Variants in AKAP12 observed in about 807,000 individuals in gnomAD.
AKAP12 encodes the protein A-kinase anchoring protein 12.
AKAP12 carries 32 observed loss-of-function variants against 79.9 expected under a neutral mutation model. That is an observed-to-expected ratio of 0.40 (90% CI 0.30 to 0.54). The LOEUF is 0.54. AKAP12 is among the 20% of genes least tolerant of loss of function. The pLI is 0.48. For synonymous variants in AKAP12, 808 were observed against 857.0 expected, an observed-to-expected ratio of 0.94 and a Z score of 1.00; for missense variants, 2,074 against 2,177.0, an observed-to-expected ratio of 0.95 and a Z score of 0.94.
At chr6:151,308,410 A>G (rs1378710917) in intron 3 of AKAP12, among the ~76,000 whole-genome samples, 1 of 151,938 alleles carries the variant, frequency 6.6e-6, no homozygotes, top group East Asian at 1.9e-4. Flanking sequence ...ACAAGGTTTC[A>G]CCATGTTGGC....
rs1562751620 is a variant in AKAP12 at position 151,348,696 on chromosome 6, C to CCCT, written c.320-14_320-13insCTC. 7 of 481,366 alleles carry CCCT rather than the reference C, an allele frequency of 1.5e-5. No individual in the cohort carries two copies. Among genetic ancestry groups the CCCT allele is most frequent in the South Asian group, 1.1e-4 (4 of 36,754 alleles). The allele number at this position is 481,366 out of a possible 1,614,324, so 29.8% of individuals were successfully genotyped here. A position where few individuals can be genotyped will look rare whatever the true frequency, so the allele number is the denominator to read the frequency against. ...TTTCTCTTCTCCCCACCCCCCCGCC[C>CCCT]CTTTTTGTTAATAGTTGGACAGAGA... On this transcript the variant is annotated splice_polypyrimidine_tract_variant and intron_variant, in intron 3 of 4. Transcript: ENST00000402676.
rs1470979546 is a variant in AKAP12 at position 151,353,255 on chromosome 6, G to A, written c.4864G>A (p.Ala1622Thr). ...TSAKEESEST[A>T]VGQAHSDISK... Reference sequence around the variant, plus strand: ...AGCCAAAGAGGAGTCAGAGTCAACCGCAGTGGGACAAGCACATTCTGATAT... The same window carrying A: ...AGCCAAAGAGGAGTCAGAGTCAACCACAGTGGGACAAGCACATTCTGATAT... Residue 1622 changes from alanine (A) to threonine (T), a missense_variant, in exon 4 of 5, where the codon GCA (alanine) becomes ACA (threonine). Ala to Thr is a moderately conservative substitution (Grantham distance 58). Around this residue, in one of 3 missense-constraint regions of AKAP12, gnomAD observed 614 missense variants for 665.6 expected, o/e 0.92. Transcript: ENST00000402676. 6.2e-6 allele frequency: 10 copies of A among 1,614,036 alleles called. No homozygotes were observed. The highest frequency in any genetic ancestry group is 4.5e-5 in the East Asian group (2 of 44,898).
At chr6:151,323,594 T>A in intron 3 of AKAP12, 1 of 575,462 alleles carries the variant, frequency 1.7e-6, no homozygotes, top group Non-Finnish European at 2.2e-6. Flanking sequence ...AGCGTCTTCA[T>A]GAATGTCATA....
intron 3 of AKAP12, among the ~76,000 whole-genome samples, chr6:151,317,199 G>C (rs111569797): frequency 0.019 from 2,954 of 152,236 alleles, 58 homozygotes; most frequent in Non-Finnish European, 0.03. Context: ...TGTGCAGGAG[G>C]CTCTTCTGCT....
At chr6:151,278,017 G>A (rs9479001) in intron 2 of AKAP12, among the ~76,000 whole-genome samples, 6,144 of 151,926 alleles carry the variant, frequency 0.04, 407 homozygotes, top group African/African-American at 0.14. Context: ...TATTGTGGAA[G>A]GGAAATAATA....
At chr6:151,276,597 C>T (rs1776294925) in intron 2 of AKAP12, among the ~76,000 whole-genome samples, 1 of 152,254 alleles carries the variant, frequency 6.6e-6, no homozygotes, top group Non-Finnish European at 1.5e-5. Context: ...GCAGTCACTG[C>T]AGAGCAATCT....
intron 2 of AKAP12, among the ~76,000 whole-genome samples, chr6:151,291,795 T>C (rs951635583): frequency 4.6e-5 from 7 of 152,236 alleles, no homozygotes; most frequent in African/African-American, 1.7e-4. Flanking sequence ...TAGGAAACTT[T>C]CTTGAGTTTT....
intron 2 of AKAP12, among the ~76,000 whole-genome samples, chr6:151,298,581 G>A (rs1037322106): frequency 6.6e-6 from 1 of 151,996 alleles, no homozygotes; most frequent in Non-Finnish European, 1.5e-5. Context: ...ATCACTTAAG[G>A]TCAGGAGTTC....
rs547950038 is a variant in AKAP12 at position 151,341,603 on chromosome 6, G to A, written c.320-7108G>A. 2.2e-5 allele frequency: 16 copies of A among 730,628 alleles called. No homozygotes were observed. The African/African-American group carries it at 2.9e-4, about 13-fold the overall frequency. 45.3% of individuals were successfully genotyped at this position (730,628 alleles called of 1,614,324 possible). A position where few individuals can be genotyped will look rare whatever the true frequency, so the allele number is the denominator to read the frequency against. On this transcript the variant is annotated intron_variant, in intron 3 of 4. Transcript: ENST00000402676. ...TTCGCGAGCTATGGCAGCCGGCAGG[G>A]GCGCGCTGGGCCTCACGGGCGGCTG... is the stretch of plus-strand genomic sequence containing the variant.
At chr6:151,265,018 G>A (rs1394671848) in intron 2 of AKAP12, among the ~76,000 whole-genome samples, 1 of 152,012 alleles carries the variant, frequency 6.6e-6, no homozygotes, top group African/African-American at 2.4e-5. Flanking sequence ...GGGCATGATG[G>A]TGGGTGCCTA....
At chr6:151,345,929 G>A (rs1375522346) in intron 3 of AKAP12, among the ~76,000 whole-genome samples, 1 of 124,544 alleles carries the variant, frequency 8.0e-6, no homozygotes, top group Non-Finnish European at 1.7e-5. Flanking sequence ...GTGTGTGTGT[G>A]TGTGAGAGAG....
At chr6:151,240,853 G>C in intron 2 of AKAP12, 129 bp downstream of exon 2, 1 of 892,394 alleles carries the variant, frequency 1.1e-6, no homozygotes, top group Non-Finnish European at 1.5e-6. Context: ...GCAAACTCAG[G>C]AGTGCGAACC....
intron 2 of AKAP12, among the ~76,000 whole-genome samples, chr6:151,267,209 G>T (rs997701263): frequency 6.6e-5 from 10 of 152,018 alleles, no homozygotes; most frequent in Non-Finnish European, 2.9e-5. Flanking sequence ...AGGGGAGAAG[G>T]TTAAAAATTA....
At chr6:151,345,932 T>TGAGAGAGAGAGAGAGAGAGAGAGAGA (rs56202215) in intron 3 of AKAP12, among the ~76,000 whole-genome samples, 1 of 101,374 alleles carries the variant, frequency 9.9e-6, no homozygotes, top group African/African-American at 4.4e-5. Context: ...TGTGTGTGTG[T>TGAGAGAGAGAGAGAGAGAGAGAGAGA]GAGAGAGAGA....
At chr6:151,295,156 A>C (rs9383878) in intron 2 of AKAP12, among the ~76,000 whole-genome samples, 59,196 of 151,976 alleles carry the variant, frequency 0.39, 12,089 homozygotes, top group Non-Finnish European at 0.46. Context: ...TAATTTGTAG[A>C]CAACATTCCT....
intron 2 of AKAP12, among the ~76,000 whole-genome samples, chr6:151,261,416 C>G (rs1259051119): frequency 6.6e-6 from 1 of 151,436 alleles, no homozygotes; most frequent in African/African-American, 2.4e-5. Flanking sequence ...TTTGGCTGGG[C>G]ACAGTGGCTC....
At position 151,301,458 on chromosome 6, in the gene AKAP12, T is replaced by G. The variant is rs142317308; in HGVS notation, c.163-4289T>G. On this transcript the variant is annotated intron_variant, in intron 2 of 4. Coordinates refer to ENST00000402676, the MANE Select transcript of AKAP12 (RefSeq NM_005100.4). ...TTGATTTCCTCTATTTGAGGTGACT[T>G]TAACTTATTGATAACTCTCAGAAGT... Among the ~76,000 whole-genome samples the G allele has an allele frequency of 3.1e-3, 467 of 152,298 alleles. 2 individuals are homozygous for G. The highest frequency in any genetic ancestry group is 0.011 in the African/African-American group (455 of 41,558).
chr6:151,319,281 A>G (rs1453302558), intron 3 of AKAP12, among the ~76,000 whole-genome samples: 1 of 151,922 alleles, frequency 6.6e-6, no homozygotes, highest in East Asian at 1.9e-4. Flanking sequence ...GGACCATAAA[A>G]CTCAATTAGT....
intron 2 of AKAP12, among the ~76,000 whole-genome samples, chr6:151,275,443 A>G (rs1328801544): frequency 1.3e-5 from 2 of 152,202 alleles, no homozygotes; most frequent in Non-Finnish European, 2.9e-5. Flanking sequence ...AAAAATCTGT[A>G]GAAGAATGGA....
Sources: allele counts gnomAD v4.1 joint callset (sites outside exome capture counted in the v4.1 genomes callset), GRCh38; gene constraint gnomAD v4.1.1; regional missense constraint gnomAD v4.1.1; transcripts MANE v1.5; gene names NCBI Gene and HGNC (gene_info 2026-07-23, HGNC 2026-07-21).